The following YAF2 variants were observed in gnomAD, a reference collection of about 807,000 sequenced individuals.
The protein encoded by YAF2 is YY1-associated factor 2.
A neutral mutation model predicts 20.1 loss-of-function variants in YAF2; 7 were observed. The observed-to-expected ratio is 0.35, with a 90% CI of 0.20 to 0.65. The LOEUF is 0.65. Ranked by LOEUF, YAF2 falls within the 30% of genes least tolerant of loss-of-function variation. YAF2 has a pLI of 0.69. For synonymous variants in YAF2, 74 were observed against 76.0 expected, an observed-to-expected ratio of 0.97 and a Z score of 0.14; for missense variants, 151 against 219.2, an observed-to-expected ratio of 0.69 and a Z score of 1.96.
intron 2 of YAF2, among the ~76,000 whole-genome samples, chr12:42,213,193 C>T (rs983416178): frequency 6.6e-6 from 1 of 152,184 alleles, no homozygotes; most frequent in Non-Finnish European, 1.5e-5. Flanking sequence ...AAAAGAGAAG[C>T]CCACATAGCA....
At position 42,237,699 on chromosome 12, in the gene YAF2, A is replaced by C; in HGVS notation, c.52T>G (p.Ser18Ala). ...TRPKRQPKPS[S>A]DEGYWDCSVC... ...CTACAGTCCCAGTAACCCTCATCCGAGGACGGCTTCGGCTGCCGCTTCGGC... is the reference window on the plus strand; with the variant it reads ...CTACAGTCCCAGTAACCCTCATCCGCGGACGGCTTCGGCTGCCGCTTCGGC... The change falls in exon 2 of 4, where the codon TCG becomes GCG. Residue 18 changes from serine to alanine, a missense_variant. Physicochemically the swap from Ser to Ala is moderately conservative, Grantham distance 99. Coordinates refer to ENST00000534854, the MANE Select transcript of YAF2 (RefSeq NM_005748.6). 1 of 1,568,762 alleles carries C rather than the reference A, an allele frequency of 6.4e-7. No homozygotes were observed. The highest frequency in any genetic ancestry group is 8.6e-7 in the Non-Finnish European group (1 of 1,160,466).
chr12:42,170,758 T>C (rs2066026374), intron 2 of YAF2, among the ~76,000 whole-genome samples: 5 of 152,094 alleles, frequency 3.3e-5, no homozygotes, highest in Admixed American at 3.3e-4. Flanking sequence ...GACAGGAGGA[T>C]CACCTGAGCC....
intron 2 of YAF2, among the ~76,000 whole-genome samples, chr12:42,229,956 T>C (rs907591055): frequency 6.6e-6 from 1 of 152,104 alleles, no homozygotes; most frequent in Non-Finnish European, 1.5e-5. Flanking sequence ...GGGATGGTAA[T>C]CCTAGAGGGC....
chr12:42,196,815 G>C (rs902002482), intron 2 of YAF2, among the ~76,000 whole-genome samples: 1 of 152,136 alleles, frequency 6.6e-6, no homozygotes, highest in African/African-American at 2.4e-5. Flanking sequence ...GGCTAACATT[G>C]AAGGGTCTAA....
intron 2 of YAF2, among the ~76,000 whole-genome samples, chr12:42,171,228 T>G (rs1009430975): frequency 6.6e-6 from 1 of 152,178 alleles, no homozygotes; most frequent in Non-Finnish European, 1.5e-5. Flanking sequence ...TGACCTCAAG[T>G]GATCCGCCCA....
At chr12:42,165,006 G>A (rs1361525227) in intron 2 of YAF2, among the ~76,000 whole-genome samples, 1 of 147,392 alleles carries the variant, frequency 6.8e-6, no homozygotes, top group East Asian at 2.0e-4. Flanking sequence ...AGTGAGCCAC[G>A]ATCACACCAC....
chr12:42,166,829 TAAAA>T (rs377527943), intron 2 of YAF2, among the ~76,000 whole-genome samples: 17 of 137,892 alleles, frequency 1.2e-4, no homozygotes, highest in Middle Eastern at 7.2e-3. Flanking sequence ...CAATGAAAGT[TAAAA>T]AAAAAAAAAA....
chr12:42,237,206 A>G (rs1208845039), intron 2 of YAF2, among the ~76,000 whole-genome samples: 1 of 152,194 alleles, frequency 6.6e-6, no homozygotes, highest in African/African-American at 2.4e-5. Context: ...TAGGAACGAA[A>G]TTAAATTACA....
chr12:42,224,565 C>A (rs2067629179), intron 2 of YAF2, among the ~76,000 whole-genome samples: 1 of 150,696 alleles, frequency 6.6e-6, no homozygotes, highest in Non-Finnish European at 1.5e-5. Context: ...GTGTGATGTT[C>A]CCCTCCCTGT....
intron 2 of YAF2, among the ~76,000 whole-genome samples, chr12:42,218,340 T>A (rs548170091): frequency 2.6e-5 from 4 of 152,272 alleles, no homozygotes; most frequent in African/African-American, 9.6e-5. Context: ...AGTATACATT[T>A]CCCTTTTTGA....
chr12:42,220,103 A>G (rs2067471686), intron 2 of YAF2, among the ~76,000 whole-genome samples: 1 of 152,176 alleles, frequency 6.6e-6, no homozygotes. Flanking sequence ...CTAAAATGGG[A>G]AAAAGTCTAC....
At chr12:42,167,105 C>G (rs1421786222) in intron 2 of YAF2, among the ~76,000 whole-genome samples, 1 of 147,814 alleles carries the variant, frequency 6.8e-6, no homozygotes, top group Admixed American at 6.8e-5. Context: ...CACATGGACA[C>G]AGGGAGGGGA....
In YAF2 at chr12:42,159,828, A is replaced by C. The variant is rs924493097; in HGVS notation, c.*761T>G. Reference sequence around the variant, plus strand: ...AATTATTTGAATTTTAATGTTTTATATGATACAGAAAATACCAGTGTTCAA... The same window carrying C: ...AATTATTTGAATTTTAATGTTTTATCTGATACAGAAAATACCAGTGTTCAA... On this transcript the variant is annotated 3_prime_UTR_variant, in exon 4 of 4. Coordinates refer to ENST00000534854, the MANE Select transcript of YAF2 (RefSeq NM_005748.6). 4 of 152,566 alleles carry C rather than the reference A, an allele frequency of 2.6e-5. No individual in the cohort carries two copies. The highest frequency in any genetic ancestry group is 9.7e-5 in the African/African-American group (4 of 41,444). 9.5% of individuals were successfully genotyped at this position (152,566 alleles called of 1,614,324 possible). A position where few individuals can be genotyped will look rare whatever the true frequency, so the allele number is the denominator to read the frequency against.
intron 2 of YAF2, chr12:42,234,510 A>C (rs2068083842): frequency 1.0e-6 from 1 of 984,288 alleles, no homozygotes; most frequent in South Asian, 4.7e-5. Context: ...AATCTAAAAT[A>C]AAATTAAAAC....
At chr12:42,234,175 T>C (rs2068064027) in intron 2 of YAF2, 2 of 960,724 alleles carry the variant, frequency 2.1e-6, no homozygotes, top group Admixed American at 6.8e-5. Context: ...TCTCAAATTC[T>C]GCCTCAAAAA....
At position 42,238,145 on chromosome 12, in the gene YAF2, G is replaced by A. The variant is rs1433062729; in HGVS notation, c.26+10C>T. On this transcript the variant is annotated intron_variant, in intron 1 of 3. Coordinates refer to ENST00000534854, the MANE Select transcript of YAF2 (RefSeq NM_005748.6). ...GCACAGTCCGGGCCCCGGGGCCCGGGCGCTGTTACCTGGTGGGGCTCTTCT... is the reference window on the plus strand; with the variant it reads ...GCACAGTCCGGGCCCCGGGGCCCGGACGCTGTTACCTGGTGGGGCTCTTCT... 5 of 1,541,334 alleles carry A rather than the reference G, an allele frequency of 3.2e-6. No individual in the cohort carries two copies.
At position 42,220,695 on chromosome 12, in the gene YAF2, T is replaced by C. The variant is rs75308746; in HGVS notation, c.152+16904A>G. ...GCCATTCTGGGTTGACTGTCCCTAG[T>C]ATGTTCTATAAAAGTAAAGTATGTT... On this transcript the variant is annotated intron_variant, in intron 2 of 3. Transcript: ENST00000534854. Among the ~76,000 whole-genome samples, 880 of 152,308 alleles carry C rather than the reference T, an allele frequency of 5.8e-3. 32 individuals are homozygous for C. The East Asian group carries it at 0.079, about 14-fold the overall frequency.
chr12:42,205,862 A>G (rs1247335263), intron 2 of YAF2: 1 of 410,596 alleles, frequency 2.4e-6, no homozygotes, highest in Non-Finnish European at 4.9e-6. Flanking sequence ...GCATCCCTCA[A>G]ATTTTGATAC....
chr12:42,170,153 T>G (rs999364242), intron 2 of YAF2, among the ~76,000 whole-genome samples: 1 of 152,198 alleles, frequency 6.6e-6, no homozygotes, highest in African/African-American at 2.4e-5. Flanking sequence ...GTTACAGGCA[T>G]GAGCCACCAG....
Sources: allele counts gnomAD v4.1 joint callset (sites outside exome capture counted in the v4.1 genomes callset), GRCh38; gene constraint gnomAD v4.1.1; transcripts MANE v1.5; gene names NCBI Gene and HGNC (gene_info 2026-07-23, HGNC 2026-07-21).